The following RBFOX3 variants were observed in gnomAD, a reference collection of about 807,000 sequenced individuals.
RBFOX3 encodes the protein RNA binding fox-1 homolog 3, also known as RNA binding protein fox-1 homolog 3.
In RBFOX3, 17 loss-of-function variants were observed where a neutral mutation model predicts 48.7. That is an observed-to-expected ratio of 0.35 (90% CI 0.24 to 0.52). The LOEUF (loss-of-function observed/expected upper bound fraction) is 0.52, where lower values mean the gene tolerates loss of function less well. RBFOX3 is among the 20% of genes least tolerant of loss of function. The pLI, the probability that RBFOX3 is intolerant of heterozygous loss-of-function variation, is 0.94. For missense variants in RBFOX3, 382 were observed against 497.5 expected (o/e 0.77, Z 2.21); for synonymous variants, 212 against 209.5 (o/e 1.01, Z -0.10).
chr17:79,288,277 A>G (rs868052393), intron 3 of RBFOX3, among the ~76,000 whole-genome samples: 1 of 152,166 alleles, frequency 6.6e-6, no homozygotes, highest in African/African-American at 2.4e-5. Context: ...GAGAAAGGTG[A>G]TCCCTGCCCC....
intron 3 of RBFOX3, among the ~76,000 whole-genome samples, chr17:79,289,855 A>C (rs2072880474): frequency 6.6e-6 from 1 of 152,238 alleles, no homozygotes; most frequent in Admixed American, 6.5e-5. Context: ...CATGACATCA[A>C]TAACATTGAT....
intron 1 of RBFOX3, among the ~76,000 whole-genome samples, chr17:79,496,844 C>A (rs1202280464): frequency 1.3e-5 from 2 of 152,188 alleles, no homozygotes; most frequent in African/African-American, 4.8e-5. Flanking sequence ...TGCCTGCCTC[C>A]CACGGAGCTG....
the RBFOX3 span, among the ~76,000 whole-genome samples, chr17:79,638,375 A>G: frequency 6.6e-6 from 1 of 152,044 alleles, no homozygotes; most frequent in Non-Finnish European, 1.5e-5. Flanking sequence ...AGAAGGCTCA[A>G]ATAAATAAAG....
intron 2 of RBFOX3, among the ~76,000 whole-genome samples, chr17:79,463,891 G>A (rs1598809299): frequency 7.9e-6 from 1 of 127,214 alleles, no homozygotes; most frequent in Non-Finnish European, 1.6e-5. Flanking sequence ...CACCACCATC[G>A]CCATCACCAC....
At chr17:79,162,379 G>A (rs575680990) in intron 4 of RBFOX3, among the ~76,000 whole-genome samples, 2 of 152,252 alleles carry the variant, frequency 1.3e-5, no homozygotes, top group South Asian at 2.1e-4. Context: ...CCCCCAGCCC[G>A]GTGAGTGGAG....
chr17:79,609,482 C>A (rs2093919606), intron 1 of RBFOX3, among the ~76,000 whole-genome samples: 1 of 152,186 alleles, frequency 6.6e-6, no homozygotes, highest in African/African-American at 2.4e-5. Flanking sequence ...TGGGGTGTCT[C>A]GCGCGTCGGG....
At chr17:79,158,119 G>C (rs533725552) in intron 4 of RBFOX3, among the ~76,000 whole-genome samples, 7 of 152,136 alleles carry the variant, frequency 4.6e-5, no homozygotes, top group Non-Finnish European at 1.0e-4. Flanking sequence ...TTAGGACATA[G>C]ACACACACAG....
chr17:79,177,069 G>C (rs1278834250), intron 4 of RBFOX3, among the ~76,000 whole-genome samples: 1 of 152,112 alleles, frequency 6.6e-6, no homozygotes, highest in Non-Finnish European at 1.5e-5. Context: ...AGGAGCTCCG[G>C]ACCTCCCTCT....
intron 1 of RBFOX3, among the ~76,000 whole-genome samples, chr17:79,563,399 C>T (rs985757939): frequency 5.3e-5 from 8 of 152,210 alleles, no homozygotes; most frequent in African/African-American, 9.7e-5. Context: ...AGGATCCCTA[C>T]GCCCCACTGC....
At chr17:79,582,954 A>G (rs2093126864) in intron 1 of RBFOX3, among the ~76,000 whole-genome samples, 2 of 152,120 alleles carry the variant, frequency 1.3e-5, no homozygotes, top group African/African-American at 2.4e-5. Flanking sequence ...GCGACCCACA[A>G]TGGGCCTCTG....
chr17:79,148,615 T>G (rs1277745455), intron 4 of RBFOX3, among the ~76,000 whole-genome samples: 1 of 152,204 alleles, frequency 6.6e-6, no homozygotes, highest in Non-Finnish European at 1.5e-5. Context: ...CTAACAGTAG[T>G]TGGGGCCACC....
At chr17:79,508,952 A>T (rs1167369685) in intron 1 of RBFOX3, 2 of 152,336 alleles carry the variant, frequency 1.3e-5, no homozygotes, top group Non-Finnish European at 2.9e-5. Flanking sequence ...CCCAGTCCAC[A>T]TCAGGCTCTC....
At chr17:79,395,701 G>A (rs143054537) in intron 2 of RBFOX3, among the ~76,000 whole-genome samples, 116 of 152,346 alleles carry the variant, frequency 7.6e-4, no homozygotes, top group East Asian at 5.8e-4. Flanking sequence ...CTTTGCAGAG[G>A]AGGACGCTGA....
intron 1 of RBFOX3, among the ~76,000 whole-genome samples, chr17:79,510,031 A>G (rs2149834147): frequency 6.6e-6 from 1 of 152,352 alleles, no homozygotes; most frequent in East Asian, 1.9e-4. Flanking sequence ...GTCAATGCAG[A>G]AGGAGCATCC....
chr17:79,207,868 C>T (rs770055468), intron 4 of RBFOX3, among the ~76,000 whole-genome samples: 4 of 152,224 alleles, frequency 2.6e-5, no homozygotes, highest in African/African-American at 9.6e-5. Flanking sequence ...TTGCGGCCAG[C>T]CAGTCTTGCC....
chr17:79,533,434 C>A (rs1272735530), intron 1 of RBFOX3, among the ~76,000 whole-genome samples: 1 of 152,244 alleles, frequency 6.6e-6, no homozygotes, highest in Non-Finnish European at 1.5e-5. Flanking sequence ...AGCCACAGCT[C>A]CATGCTCAAC....
intron 2 of RBFOX3, among the ~76,000 whole-genome samples, chr17:79,428,894 G>T (rs1196179915): frequency 6.6e-6 from 1 of 152,206 alleles, no homozygotes; most frequent in Non-Finnish European, 1.5e-5. Flanking sequence ...TATAGTATTT[G>T]CACAGTATAT....
chr17:79,333,791 C>T (rs904242221), intron 2 of RBFOX3, among the ~76,000 whole-genome samples: 3 of 152,178 alleles, frequency 2.0e-5, no homozygotes, highest in Non-Finnish European at 4.4e-5. Context: ...CCCTCCATAC[C>T]TCCCACTCTG....
chr17:79,618,286 C>G, the RBFOX3 span, among the ~76,000 whole-genome samples: 1 of 152,196 alleles, frequency 6.6e-6, no homozygotes, highest in South Asian at 2.1e-4. Flanking sequence ...CGGGAACAGG[C>G]GCCGCAGTCC....
Sources: gnomAD v4.1 joint callset for allele counts (sites outside exome capture counted in the v4.1 genomes callset) on GRCh38, gnomAD v4.1.1 for gene constraint, MANE v1.5 for transcripts, NCBI Gene and HGNC (gene_info 2026-07-23, HGNC 2026-07-21) for gene names.